Variants in ADCY10 observed in about 807,000 individuals in gnomAD.
ADCY10 encodes the protein adenylate cyclase 10, also known as adenylate cyclase type 10.
In ADCY10, 156 loss-of-function variants were observed where a neutral mutation model predicts 183.3. The observed-to-expected ratio is 0.85, with a 90% CI of 0.75 to 0.97. The LOEUF (loss-of-function observed/expected upper bound fraction) is 0.97, where lower values mean the gene tolerates loss of function less well. Ranked by LOEUF, ADCY10 falls within the 50% of genes least tolerant of loss-of-function variation. The pLI is 0.00. For synonymous variants in ADCY10, 645 were observed against 670.0 expected, an observed-to-expected ratio of 0.96 and a Z score of 0.58; for missense variants, 1,745 against 1,934.3, an observed-to-expected ratio of 0.90 and a Z score of 1.84.
chr1:167,863,209 C>G (rs1350757764), intron 14 of ADCY10, among the ~76,000 whole-genome samples: 1 of 152,182 alleles, frequency 6.6e-6, no homozygotes, highest in Non-Finnish European at 1.5e-5. Context: ...CTGGGCCTGC[C>G]TGACCTAAGC....
chr1:167,898,598 T>G (rs1227251085), intron 6 of ADCY10, among the ~76,000 whole-genome samples: 1 of 151,720 alleles, frequency 6.6e-6, no homozygotes, highest in Admixed American at 6.6e-5. Flanking sequence ...GACTCCGTTT[T>G]TTTTTTTTTA....
At chr1:167,843,801 C>T (rs1226169991) in intron 21 of ADCY10, among the ~76,000 whole-genome samples, 1 of 152,136 alleles carries the variant, frequency 6.6e-6, no homozygotes, top group Non-Finnish European at 1.5e-5. Flanking sequence ...TCCTCTGATT[C>T]TAAGGAAGAC....
intron 18 of ADCY10, among the ~76,000 whole-genome samples, chr1:167,853,350 A>G (rs1465188661): frequency 6.6e-6 from 1 of 152,150 alleles, no homozygotes; most frequent in Non-Finnish European, 1.5e-5. Flanking sequence ...TAAAACAAAC[A>G]GAAGATGACA....
intron 25 of ADCY10, among the ~76,000 whole-genome samples, chr1:167,831,250 C>T (rs530853204): frequency 6.6e-5 from 10 of 151,886 alleles, no homozygotes; most frequent in Non-Finnish European, 1.0e-4. Flanking sequence ...AGTGCAGTGG[C>T]GCGATCTTGG....
chr1:167,826,336 A>G (rs1663286628), intron 26 of ADCY10, among the ~76,000 whole-genome samples: 1 of 152,234 alleles, frequency 6.6e-6, no homozygotes, highest in Admixed American at 6.5e-5. Flanking sequence ...TTTACAGAGA[A>G]AATATAAAGC....
intron 1 of ADCY10, among the ~76,000 whole-genome samples, chr1:167,907,512 A>T (rs1669898365): frequency 6.6e-6 from 1 of 152,178 alleles, no homozygotes; most frequent in Non-Finnish European, 1.5e-5. Context: ...CTACTCCCAG[A>T]AGTGACGTAT....
At chr1:167,825,965 TA>T (rs1341885343) in intron 26 of ADCY10, among the ~76,000 whole-genome samples, 1 of 152,198 alleles carries the variant, frequency 6.6e-6, no homozygotes, top group Non-Finnish European at 1.5e-5. Flanking sequence ...ATAATACATG[TA>T]AACTACTTTG....
chr1:167,905,457 A>G (rs1669746779), intron 1 of ADCY10, among the ~76,000 whole-genome samples: 1 of 152,200 alleles, frequency 6.6e-6, no homozygotes, highest in African/African-American at 2.4e-5. Context: ...ACTCATTTGC[A>G]GGAAGGGGTA....
At chr1:167,844,945 A>G (rs1400590102) in intron 21 of ADCY10, among the ~76,000 whole-genome samples, 1 of 152,154 alleles carries the variant, frequency 6.6e-6, no homozygotes, top group Non-Finnish European at 1.5e-5. Flanking sequence ...GACACCCATC[A>G]TGCCCATAGT....
At chr1:167,890,822 T>A (rs1668534552) in intron 8 of ADCY10, among the ~76,000 whole-genome samples, 2 of 152,166 alleles carry the variant, frequency 1.3e-5, no homozygotes, top group Admixed American at 6.5e-5. Context: ...CAAAATGAAA[T>A]CAGTATTATT....
intron 23 of ADCY10, chr1:167,834,677 C>T (rs866001971): frequency 3.0e-5 from 5 of 165,254 alleles, no homozygotes; most frequent in Middle Eastern, 1.3e-3. Context: ...GAGGCAGTAT[C>T]TCCCAGTCTC....
At chr1:167,825,555 AGAGGT>A (rs1663219507) in intron 26 of ADCY10, among the ~76,000 whole-genome samples, 1 of 152,144 alleles carries the variant, frequency 6.6e-6, no homozygotes, top group African/African-American at 2.4e-5. Flanking sequence ...GGCTGAGACG[AGAGGT>A]CACTTGAGCA....
At chr1:167,857,037 T>C (rs893711845) in intron 16 of ADCY10, among the ~76,000 whole-genome samples, 2 of 152,242 alleles carry the variant, frequency 1.3e-5, no homozygotes, top group African/African-American at 4.8e-5. Context: ...TATTCACTCA[T>C]TAAGCATTTA....
At chr1:167,851,171 A>C (rs1323378345) in intron 18 of ADCY10, among the ~76,000 whole-genome samples, 1 of 151,182 alleles carries the variant, frequency 6.6e-6, no homozygotes. Flanking sequence ...AAATATTGAC[A>C]CTCTTTTGTT....
intron 26 of ADCY10, among the ~76,000 whole-genome samples, chr1:167,827,173 T>G (rs1480103654): frequency 4.0e-5 from 6 of 151,802 alleles, no homozygotes; most frequent in Admixed American, 3.3e-4. Context: ...AATGTACTTT[T>G]TTTTTTTTTC....
chr1:167,866,848 T>C (rs965180510), intron 14 of ADCY10, among the ~76,000 whole-genome samples: 1 of 151,436 alleles, frequency 6.6e-6, no homozygotes, highest in African/African-American at 2.4e-5. Flanking sequence ...CAGTGGCCTA[T>C]CTCTCAAAAC....
At chr1:167,852,683 CA>C (rs1380614734) in intron 18 of ADCY10, among the ~76,000 whole-genome samples, 7 of 151,702 alleles carry the variant, frequency 4.6e-5, no homozygotes, top group African/African-American at 1.7e-4. Context: ...CTAATTTGGC[CA>C]GAGAAAGTCT....
At chr1:167,900,350 G>T (rs1400999030) in intron 5 of ADCY10, among the ~76,000 whole-genome samples, 1 of 151,998 alleles carries the variant, frequency 6.6e-6, no homozygotes, top group Non-Finnish European at 1.5e-5. Flanking sequence ...ACTGATGTTT[G>T]GACTTACTCT....
intron 25 of ADCY10, among the ~76,000 whole-genome samples, chr1:167,832,040 A>G (rs983961677): frequency 1.3e-5 from 2 of 152,136 alleles, no homozygotes; most frequent in African/African-American, 4.8e-5. Context: ...AGGATTCCCT[A>G]CATTTAAAGG....
Sources: allele counts gnomAD v4.1 joint callset (sites outside exome capture counted in the v4.1 genomes callset), GRCh38; gene constraint gnomAD v4.1.1; transcripts MANE v1.5; gene names NCBI Gene and HGNC (gene_info 2026-07-23, HGNC 2026-07-21).